B4GALNT3: variants seen among roughly 807,000 people sequenced by gnomAD.
B4GALNT3 encodes the protein beta-1,4-N-acetylgalactosaminyltransferase 3.
A neutral mutation model predicts 120.2 loss-of-function variants in B4GALNT3; 86 were observed. The observed-to-expected ratio is 0.72, with a 90% CI of 0.60 to 0.86. The LOEUF (loss-of-function observed/expected upper bound fraction) is 0.86. Ranked by LOEUF, B4GALNT3 falls within the 40% of genes least tolerant of loss-of-function variation. B4GALNT3 has a pLI of 0.00. For synonymous variants in B4GALNT3, 518 were observed against 510.4 expected, an observed-to-expected ratio of 1.01 and a Z score of -0.20; for missense variants, 1,167 against 1,298.9, an observed-to-expected ratio of 0.90 and a Z score of 1.56.
At chr12:481,772 C>G (rs1658160548) in intron 1 of B4GALNT3, among the ~76,000 whole-genome samples, 2 of 152,186 alleles carry the variant, frequency 1.3e-5, no homozygotes, top group African/African-American at 4.8e-5. Flanking sequence ...CGCTCCAGGT[C>G]TGCTCTTGGG....
intron 1 of B4GALNT3, among the ~76,000 whole-genome samples, chr12:493,880 G>T (rs554309306): frequency 6.6e-6 from 1 of 152,190 alleles, no homozygotes. Context: ...AGTAGAGTCC[G>T]TGTTGGAAAG....
intron 1 of B4GALNT3, among the ~76,000 whole-genome samples, chr12:494,782 A>T (rs1946373745): frequency 6.6e-6 from 1 of 151,748 alleles, no homozygotes; most frequent in Admixed American, 6.6e-5. Flanking sequence ...TGATGGGGGG[A>T]GTAAACTGGA....
chr12:556,020 T>C (rs1243300071), intron 14 of B4GALNT3, among the ~76,000 whole-genome samples: 1 of 151,344 alleles, frequency 6.6e-6, no homozygotes, highest in African/African-American at 2.4e-5. Flanking sequence ...CCTGACCTTG[T>C]GATCCACCTG....
At chr12:526,730 C>T (rs1946762428) in intron 1 of B4GALNT3, among the ~76,000 whole-genome samples, 1 of 151,872 alleles carries the variant, frequency 6.6e-6, no homozygotes, top group Admixed American at 6.6e-5. Flanking sequence ...TAGAGGTGAC[C>T]CCATGGCCTG....
intron 1 of B4GALNT3, among the ~76,000 whole-genome samples, chr12:521,878 A>T (rs1946713422): frequency 6.6e-6 from 1 of 152,010 alleles, no homozygotes; most frequent in African/African-American, 2.4e-5. Context: ...TGAAGCTGGG[A>T]TGTGTTGGAA....
At position 553,922 on chromosome 12, in the gene B4GALNT3, G is replaced by C; in HGVS notation, c.1999G>C (p.Glu667Gln). 2 of 1,614,096 alleles carry C rather than the reference G, an allele frequency of 1.2e-6. No individual in the cohort carries two copies. The highest frequency in any genetic ancestry group is 1.7e-6 in the Non-Finnish European group (2 of 1,179,974). The change falls in exon 14 of 20, where the codon GAG (glutamate) becomes CAG (glutamine). Residue 667 changes from glutamate (E) to glutamine (Q), a missense_variant. By Grantham distance (29) the Glu-to-Gln change is conservative. Coordinates refer to ENST00000266383, the MANE Select transcript of B4GALNT3 (RefSeq NM_173593.4). Reference sequence around the variant, plus strand: ...CACATCTGGCAACCTGCTGCTTCCAGAGCAGGAAGCTCTGGAGGTCACGCG... The same window carrying C: ...CACATCTGGCAACCTGCTGCTTCCACAGCAGGAAGCTCTGGAGGTCACGCG... The part of the protein sequence containing the change: ...CNTSGNLLLP[E>Q]QEALEVTRVF...
rs116587465 is a variant in B4GALNT3 at position 549,494 on chromosome 12, T to A, written c.854-275T>A. ...GTACTTAATGCCACATTTCTAGCAG[T>A]CCGCAGTAACACATTTTGAGAAAGA... is the stretch of plus-strand genomic sequence containing the variant. On this transcript the variant is annotated intron_variant, in intron 9 of 19. Transcript: ENST00000266383. Among the ~76,000 whole-genome samples the A allele has an allele frequency of 5.3e-3, 807 of 152,344 alleles. 9 individuals are homozygous for A. Among genetic ancestry groups the A allele is most frequent in the African/African-American group, 0.019 (770 of 41,578 alleles).
At chr12:524,097 G>T (rs1372845662) in intron 1 of B4GALNT3, among the ~76,000 whole-genome samples, 3 of 152,258 alleles carry the variant, frequency 2.0e-5, no homozygotes, top group Non-Finnish European at 4.4e-5. Context: ...CGGATAGACT[G>T]ATCCGTGGTG....
At chr12:495,004 C>A (rs901568812) in intron 1 of B4GALNT3, among the ~76,000 whole-genome samples, 1 of 152,172 alleles carries the variant, frequency 6.6e-6, no homozygotes, top group Non-Finnish European at 1.5e-5. Context: ...CTCTGCATAG[C>A]GTAAGCACAG....
At position 495,339 on chromosome 12, in the gene B4GALNT3, A is replaced by G. The variant is rs141304185; in HGVS notation, c.169+34794A>G. ...CCAGTTGCTCTCTTTGAGGTTTCTC[A>G]TTTCCTCCTGAATTCTTGGGTCGTT... On this transcript the variant is annotated intron_variant, in intron 1 of 19. Transcript: ENST00000266383. Among the ~76,000 whole-genome samples, 1,101 of 152,102 alleles carry G rather than the reference A, an allele frequency of 7.2e-3. 9 individuals carry two copies. The highest frequency in any genetic ancestry group is 0.025 in the African/African-American group (1,039 of 41,482).
At chr12:535,326 G>A (rs1350053601) in intron 2 of B4GALNT3, 57 bp downstream of exon 2, 5 of 1,473,954 alleles carry the variant, frequency 3.4e-6, no homozygotes, top group South Asian at 2.3e-5. Flanking sequence ...GTCCGCAGGT[G>A]CTCTGCCCAG....
chr12:474,309 A>G (rs1021953152), intron 1 of B4GALNT3, among the ~76,000 whole-genome samples: 4 of 152,160 alleles, frequency 2.6e-5, no homozygotes, highest in East Asian at 1.9e-4. Flanking sequence ...GGGATGTCCT[A>G]TTGAAAGCCA....
At chr12:554,904 G>A (rs1046368089) in intron 14 of B4GALNT3, among the ~76,000 whole-genome samples, 3 of 150,938 alleles carry the variant, frequency 2.0e-5, no homozygotes, top group African/African-American at 7.3e-5. Flanking sequence ...CTGGCCAGAC[G>A]CAGTGGCTCA....
chr12:460,221 C>T lies in B4GALNT3; in HGVS notation c.-156C>T. 1 of 521,882 alleles carries T rather than the reference C, an allele frequency of 1.9e-6. No individual in the cohort carries two copies. Among genetic ancestry groups the T allele is most frequent in the Non-Finnish European group, 2.5e-6 (1 of 407,526 alleles). 32.3% of individuals were successfully genotyped at this position (521,882 alleles called of 1,614,324 possible). ...ACCCCTCGCGCCCGGAGCATGAGCC[C>T]GAGCCCCGCCGGAGAGCGGCCGGGA... On this transcript the variant is annotated 5_prime_UTR_variant, in exon 1 of 20. Coordinates refer to ENST00000266383, the MANE Select transcript of B4GALNT3 (RefSeq NM_173593.4). This position sits in a 1 kb window ranked among gnomAD's most constrained non-coding sequence, Gnocchi z 8.0.
chr12:480,647 G>A (rs12318530), intron 1 of B4GALNT3, among the ~76,000 whole-genome samples: 19,184 of 152,156 alleles, frequency 0.13, 1,450 homozygotes, highest in Non-Finnish European at 0.18. Flanking sequence ...CAAGCAGGAC[G>A]GGGAGTGGGA....
At chr12:535,468 A>G (rs1946848674) in intron 2 of B4GALNT3, among the ~76,000 whole-genome samples, 199 bp downstream of exon 2, 1 of 152,138 alleles carries the variant, frequency 6.6e-6, no homozygotes, top group Non-Finnish European at 1.5e-5. Context: ...AAAGCCAGTA[A>G]AAGGAAACTT....
intron 6 of B4GALNT3, 55 bp downstream of exon 6, chr12:545,524 A>G: frequency 1.3e-6 from 2 of 1,490,412 alleles, no homozygotes; most frequent in Non-Finnish European, 1.8e-6. Flanking sequence ...CTGTTCATTG[A>G]GTCCTCCAGC....
chr12:462,205 G>C (rs1320141021), intron 1 of B4GALNT3, among the ~76,000 whole-genome samples: 1 of 152,058 alleles, frequency 6.6e-6, no homozygotes, highest in African/African-American at 2.4e-5. Flanking sequence ...AGTGTGTGTG[G>C]GTGGGGGCCT....
At chr12:526,080 T>G (rs1214283896) in intron 1 of B4GALNT3, among the ~76,000 whole-genome samples, 1 of 152,208 alleles carries the variant, frequency 6.6e-6, no homozygotes, top group Non-Finnish European at 1.5e-5. Flanking sequence ...GCCCTGCATG[T>G]GGGCATGGGT....
Sources: allele counts gnomAD v4.1 joint callset (sites outside exome capture counted in the v4.1 genomes callset), GRCh38; gene constraint gnomAD v4.1.1; non-coding constraint Gnocchi (gnomAD v3.1); transcripts MANE v1.5; gene names NCBI Gene and HGNC (gene_info 2026-07-23, HGNC 2026-07-21).